The following ERBB4 variants were observed in gnomAD, a reference collection of about 807,000 sequenced individuals.
ERBB4 encodes the protein erb-b2 receptor tyrosine kinase 4.
Under a neutral mutation model 158.0 loss-of-function variants are expected in ERBB4, and 42 were observed. The observed-to-expected ratio is 0.27, with a 90% CI of 0.21 to 0.34. ERBB4 has a LOEUF of 0.34. ERBB4 is among the 10% of genes least tolerant of loss of function. The probability of loss-of-function intolerance (pLI) is 1.00; values close to 1 mark genes in which losing one functional copy is unlikely to be tolerated. For synonymous variants in ERBB4, 583 were observed against 558.7 expected (o/e 1.04, Z -0.61); for missense variants, 1,333 against 1,624.1 (o/e 0.82, Z 3.08).
intron 22 of ERBB4, 116 bp from the exon 23 acceptor site, chr2:211,424,417 TAA>T (rs374110275): frequency 8.2e-4 from 448 of 544,272 alleles, no homozygotes; most frequent in South Asian, 1.4e-3. Context: ...ACCAATCAAT[TAA>T]AAAAAAAAAA....
At chr2:212,331,384 T>G (rs1017850437) in intron 1 of ERBB4, among the ~76,000 whole-genome samples, 5 of 151,694 alleles carry the variant, frequency 3.3e-5, no homozygotes, top group African/African-American at 1.2e-4. Context: ...CGCAATGTTC[T>G]GTGTTGGGGG....
Position 211,383,739 on chromosome 2 carries a change from T to C in ERBB4, c.3803A>G (p.Tyr1268Cys), listed in dbSNP as rs764269029. 5 of 1,614,114 alleles carry C rather than the reference T, an allele frequency of 3.1e-6. No homozygotes were observed. Among genetic ancestry groups the C allele is most frequent in the Non-Finnish European group, 4.2e-6 (5 of 1,179,992 alleles). The change falls in exon 28 of 28, where the codon TAT becomes TGT. Residue 1268 changes from tyrosine to cysteine, a missense_variant. Tyr to Cys is a radical substitution (Grantham distance 194). Around this residue, in one of 5 missense-constraint regions of ERBB4, gnomAD observed 84 missense variants for 110.8 expected, o/e 0.76. Coordinates refer to ENST00000342788, the MANE Select transcript of ERBB4 (RefSeq NM_005235.3). ...YLQEYSTKYF[Y>C]KQNGRIRPIV... ...AGGCCGGATCCGCCCATTCTGTTTA[T>C]AAAAATATTTTGTGCTGTACTCCTG...
intron 1 of ERBB4, among the ~76,000 whole-genome samples, chr2:212,537,928 C>T (rs952856830): frequency 4.6e-5 from 7 of 152,154 alleles, no homozygotes; most frequent in Non-Finnish European, 1.0e-4. Flanking sequence ...CCACAAGGCT[C>T]GGGCGACTGG....
At chr2:211,998,413 C>T (rs185576639) in intron 2 of ERBB4, among the ~76,000 whole-genome samples, 2 of 150,278 alleles carry the variant, frequency 1.3e-5, no homozygotes, top group African/African-American at 4.9e-5. Flanking sequence ...GTCCTTATCA[C>T]AGATCTTTCT....
chr2:211,443,718 T>C (rs2064041958), intron 20 of ERBB4, among the ~76,000 whole-genome samples: 1 of 152,072 alleles, frequency 6.6e-6, no homozygotes, highest in East Asian at 1.9e-4. Flanking sequence ...ACTAACTATA[T>C]GCAGCCATAG....
intron 1 of ERBB4, among the ~76,000 whole-genome samples, chr2:212,148,145 CTTT>C (rs78160323): frequency 7.0e-6 from 1 of 142,842 alleles, no homozygotes; most frequent in Non-Finnish European, 1.5e-5. Flanking sequence ...AGAGTATTTT[CTTT>C]TTTTTTTTTA....
intron 19 of ERBB4, among the ~76,000 whole-genome samples, chr2:211,614,254 G>C (rs2069302237): frequency 6.6e-6 from 1 of 152,022 alleles, no homozygotes; most frequent in East Asian, 1.9e-4. Flanking sequence ...AGAGTAGAAG[G>C]ATGGTTACCA....
intron 16 of ERBB4, among the ~76,000 whole-genome samples, chr2:211,634,622 A>T (rs2070287450): frequency 6.6e-6 from 1 of 152,148 alleles, no homozygotes; most frequent in Admixed American, 6.6e-5. Context: ...TCCTTGGTCT[A>T]ATGATGATAA....
chr2:212,220,292 ATTAC>A (rs1476727515), intron 1 of ERBB4, among the ~76,000 whole-genome samples: 3 of 151,448 alleles, frequency 2.0e-5, no homozygotes, highest in Admixed American at 6.6e-5. Flanking sequence ...TTTGCTACAA[ATTAC>A]TTAATGTCAC....
At chr2:212,535,409 C>T (rs187408438) in intron 1 of ERBB4, among the ~76,000 whole-genome samples, 2 of 151,946 alleles carry the variant, frequency 1.3e-5, no homozygotes, top group African/African-American at 2.4e-5. Context: ...GAAAAATAAC[C>T]CCATGATTTT....
At chr2:211,917,283 G>GCTTATTCCC (rs1345386394) in intron 3 of ERBB4, among the ~76,000 whole-genome samples, 1 of 151,702 alleles carries the variant, frequency 6.6e-6, no homozygotes, top group African/African-American at 2.4e-5. Context: ...AGCATAAATT[G>GCTTATTCCC]CTTATTCCCC....
chr2:212,262,629 TA>T (rs1456347416), intron 1 of ERBB4, among the ~76,000 whole-genome samples: 1 of 152,148 alleles, frequency 6.6e-6, no homozygotes, highest in African/African-American at 2.4e-5. Context: ...GATATGGCTC[TA>T]TACAAAAGTG....
intron 1 of ERBB4, among the ~76,000 whole-genome samples, chr2:212,351,210 G>A (rs2089238668): frequency 1.3e-5 from 2 of 152,118 alleles, no homozygotes; most frequent in African/African-American, 4.8e-5. Context: ...AGAGACCCTA[G>A]GAATGTGCAG....
At chr2:211,783,919 G>C (rs1156243982) in intron 4 of ERBB4, among the ~76,000 whole-genome samples, 1 of 152,042 alleles carries the variant, frequency 6.6e-6, no homozygotes, top group Admixed American at 6.5e-5. Flanking sequence ...TTTTTCTCTT[G>C]ATTGGAATAG....
intron 19 of ERBB4, among the ~76,000 whole-genome samples, chr2:211,607,183 TTTC>T (rs2069015165): frequency 6.6e-6 from 1 of 152,192 alleles, no homozygotes. Flanking sequence ...CCTTGGCTAT[TTTC>T]TTACCAGGAA....
chr2:211,581,646 A>T (rs1258114708), intron 19 of ERBB4, among the ~76,000 whole-genome samples: 1 of 152,026 alleles, frequency 6.6e-6, no homozygotes, highest in East Asian at 1.9e-4. Flanking sequence ...CTTTCTTCCC[A>T]TCATTCCCAC....
rs71409856 is a variant in ERBB4, at chr2:211,701,756, CAAAAAAAAA to C, written c.1489+202_1489+210del. ...GGGGCAACAGAGCGAGACTCCGTCT[CAAAAAAAAA>C]AAAAAAAAAAAAAAAAAAAGAAAGT... is the stretch of plus-strand genomic sequence containing the variant. On this transcript the variant is annotated intron_variant, in intron 12 of 27. Coordinates refer to ENST00000342788, the MANE Select transcript of ERBB4 (RefSeq NM_005235.3). 0.19 allele frequency among the ~76,000 whole-genome samples: 12,674 copies of C among 66,164 alleles called. 487 individuals are homozygous for C. The highest frequency in any genetic ancestry group is 0.33 in the Middle Eastern group (29 of 88). 43.4% of individuals were successfully genotyped at this position (66,164 alleles called of 152,430 possible).
intron 1 of ERBB4, among the ~76,000 whole-genome samples, chr2:212,389,474 C>G (rs928135678): frequency 1.3e-5 from 2 of 151,944 alleles, no homozygotes; most frequent in African/African-American, 4.8e-5. Context: ...GTTGTGCTTA[C>G]AGTTACCATA....
At chr2:211,945,456 T>C (rs1377837851) in intron 3 of ERBB4, among the ~76,000 whole-genome samples, 1 of 152,086 alleles carries the variant, frequency 6.6e-6, no homozygotes, top group Non-Finnish European at 1.5e-5. Context: ...CTTCAATTCA[T>C]ACTCAAAAAA....
Sources: gnomAD v4.1 joint callset for allele counts (sites outside exome capture counted in the v4.1 genomes callset) on GRCh38, gnomAD v4.1.1 for gene constraint, gnomAD v4.1.1 regional missense constraint, MANE v1.5 for transcripts, NCBI Gene and HGNC (gene_info 2026-07-23, HGNC 2026-07-21) for gene names.